Variants in KCNU1 observed in about 807,000 individuals in gnomAD.
The protein encoded by KCNU1 is potassium channel subfamily U member 1.
KCNU1 carries 93 observed loss-of-function variants against 126.8 expected under a neutral mutation model. The observed-to-expected ratio is 0.73, with a 90% CI of 0.62 to 0.87. KCNU1 has a LOEUF of 0.87. Among genes scored for constraint, KCNU1 ranks in the 40% least tolerant of loss-of-function variants. The pLI is 0.00. For synonymous variants in KCNU1, 523 were observed against 494.2 expected, an observed-to-expected ratio of 1.06 and a Z score of -0.77; for missense variants, 1,330 against 1,367.1, an observed-to-expected ratio of 0.97 and a Z score of 0.43.
At chr8:36,806,080 G>A (rs1270605186) in intron 4 of KCNU1, among the ~76,000 whole-genome samples, 189 bp from the exon 5 acceptor site, 1 of 152,092 alleles carries the variant, frequency 6.6e-6, no homozygotes, top group African/African-American at 2.4e-5. Flanking sequence ...CTGACCTCAA[G>A]CTATCTGCCT....
intron 24 of KCNU1, among the ~76,000 whole-genome samples, chr8:36,923,649 G>A (rs1459183689): frequency 6.6e-6 from 1 of 152,164 alleles, no homozygotes; most frequent in Non-Finnish European, 1.5e-5. Flanking sequence ...ACAATGGCAA[G>A]AGCACACTTG....
chr8:36,860,104 G>GTC (rs879623021), intron 18 of KCNU1, among the ~76,000 whole-genome samples: 52 of 152,062 alleles, frequency 3.4e-4, no homozygotes, highest in Non-Finnish European at 5.9e-4. Context: ...TTGAGATGGA[G>GTC]TCTCTCTCTG....
At chr8:36,868,555 G>T (rs1017553838) in intron 19 of KCNU1, among the ~76,000 whole-genome samples, 2 of 152,030 alleles carry the variant, frequency 1.3e-5, no homozygotes, top group Non-Finnish European at 2.9e-5. Flanking sequence ...AGTAAGTTCA[G>T]AAACTACTAT....
intron 25 of KCNU1, among the ~76,000 whole-genome samples, chr8:36,932,552 A>G (rs553199534): frequency 6.6e-6 from 1 of 152,082 alleles, no homozygotes; most frequent in Non-Finnish European, 1.5e-5. Context: ...TGACTCCTCA[A>G]GAGTTCATTT....
At chr8:36,882,959 C>A (rs974039730) in intron 19 of KCNU1, among the ~76,000 whole-genome samples, 2 of 152,130 alleles carry the variant, frequency 1.3e-5, no homozygotes, top group African/African-American at 4.8e-5. Context: ...TTCTCCTTCC[C>A]TTCCTTTTCT....
At chr8:36,872,618 A>C (rs1308795296) in intron 19 of KCNU1, among the ~76,000 whole-genome samples, 2 of 152,198 alleles carry the variant, frequency 1.3e-5, no homozygotes, top group East Asian at 1.9e-4. Flanking sequence ...CTTTGAGAGA[A>C]GTTCCCAGCA....
rs1808745516 is a variant in KCNU1, at chr8:36,932,940, A to G, written c.2952A>G (p.Gln984=). 1.9e-6 allele frequency: 3 copies of G among 1,571,448 alleles called. No individual in the cohort carries two copies. Among genetic ancestry groups the G allele is most frequent in the South Asian group, 1.2e-5 (1 of 85,620 alleles). Residue 984 remains glutamine, a synonymous_variant, in exon 26 of 27, where the codon CAA becomes CAG. Coordinates refer to ENST00000399881, the MANE Select transcript of KCNU1 (RefSeq NM_001031836.3). ...SDVNPRNTFG[Q]LFCGSLDLFG... is the part of the protein sequence containing the mutation. ...CCCAGCCAAGAAACACCTTTGGACAACTGTTCTGTGGCTCATTAGATCTTT... is the reference window on the plus strand; with the variant it reads ...CCCAGCCAAGAAACACCTTTGGACAGCTGTTCTGTGGCTCATTAGATCTTT...
rs192276128 is a variant in KCNU1, at chr8:36,818,268, C to A, written c.1106+508C>A. ...ATAGCTTAGGTACACAAAATGATTT[C>A]TTATATTTTAATTTTGTAATTTTCA... is the stretch of plus-strand genomic sequence containing the variant. On this transcript the variant is annotated intron_variant, in intron 10 of 26. Transcript: ENST00000399881. Among the ~76,000 whole-genome samples the A allele has an allele frequency of 2.4e-3, 372 of 152,126 alleles. 4 individuals are homozygous for A. Among genetic ancestry groups the A allele is most frequent in the African/African-American group, 8.6e-3 (357 of 41,508 alleles).
At chr8:36,839,082 T>C (rs552332052) in intron 14 of KCNU1, among the ~76,000 whole-genome samples, 5 of 152,206 alleles carry the variant, frequency 3.3e-5, no homozygotes, top group Admixed American at 2.6e-4. Flanking sequence ...TTCCAAGTAT[T>C]GAGTTAATAT....
At chr8:36,804,544 C>T (rs1803428854) in intron 3 of KCNU1, among the ~76,000 whole-genome samples, 1 of 152,222 alleles carries the variant, frequency 6.6e-6, no homozygotes, top group Admixed American at 6.5e-5. Flanking sequence ...GACAAAGAAG[C>T]AAATTGTTGC....
At chr8:36,818,482 A>G (rs1015677725) in intron 10 of KCNU1, among the ~76,000 whole-genome samples, 13 of 151,722 alleles carry the variant, frequency 8.6e-5, no homozygotes, top group African/African-American at 3.1e-4. Context: ...TTCCAACTTC[A>G]CCTTTTAATT....
intron 24 of KCNU1, chr8:36,928,832 A>G: frequency 3.5e-6 from 2 of 567,118 alleles, no homozygotes; most frequent in Non-Finnish European, 6.2e-6. Flanking sequence ...TGATCTGAGG[A>G]CAACCAGTGT....
chr8:36,923,669 A>G (rs1808441369), intron 24 of KCNU1, among the ~76,000 whole-genome samples: 1 of 152,184 alleles, frequency 6.6e-6, no homozygotes, highest in Non-Finnish European at 1.5e-5. Flanking sequence ...GAACAAAGGA[A>G]AAGCAGACAT....
chr8:36,804,546 A>C (rs1179862445), intron 3 of KCNU1, among the ~76,000 whole-genome samples: 1 of 152,200 alleles, frequency 6.6e-6, no homozygotes, highest in African/African-American at 2.4e-5. Context: ...CAAAGAAGCA[A>C]ATTGTTGCCT....
At chr8:36,870,173 C>T (rs1806050975) in intron 19 of KCNU1, among the ~76,000 whole-genome samples, 1 of 152,130 alleles carries the variant, frequency 6.6e-6, no homozygotes. Flanking sequence ...AACTGTAGTC[C>T]ATCCAGAAGG....
intron 10 of KCNU1, among the ~76,000 whole-genome samples, chr8:36,831,128 T>G (rs1368018411): frequency 1.3e-5 from 2 of 152,070 alleles, no homozygotes; most frequent in Admixed American, 6.6e-5. Flanking sequence ...ATGGTGTATA[T>G]GTGCCACATT....
At chr8:36,909,190 A>C (rs62490753) in intron 20 of KCNU1, 121 bp from the exon 21 acceptor site, 9 of 671,152 alleles carry the variant, frequency 1.3e-5, no homozygotes, top group East Asian at 2.5e-5. Flanking sequence ...AATTCTATTC[A>C]CCTTATGAAA....
At chr8:36,923,136 A>C (rs1456948580) in intron 24 of KCNU1, 1 of 450,766 alleles carries the variant, frequency 2.2e-6, no homozygotes, top group Admixed American at 2.4e-5. Flanking sequence ...TTTAGTTTTC[A>C]GCACCTCTTT....
intron 19 of KCNU1, among the ~76,000 whole-genome samples, chr8:36,887,201 G>T (rs929683179): frequency 6.6e-6 from 1 of 152,122 alleles, no homozygotes; most frequent in Non-Finnish European, 1.5e-5. Flanking sequence ...AGATCTGCTT[G>T]TGGTTCTCTA....
Sources: allele counts gnomAD v4.1 joint callset (sites outside exome capture counted in the v4.1 genomes callset), GRCh38; gene constraint gnomAD v4.1.1; transcripts MANE v1.5; gene names NCBI Gene and HGNC (gene_info 2026-07-23, HGNC 2026-07-21).